FTO: variants seen among roughly 807,000 people sequenced by gnomAD.
The protein encoded by FTO is alpha-ketoglutarate-dependent dioxygenase FTO.
Under a neutral mutation model 63.9 loss-of-function variants are expected in FTO, and 47 were observed. That is an observed-to-expected ratio of 0.74 (90% CI 0.58 to 0.94). The LOEUF is 0.94. FTO is among the 40% of genes least tolerant of loss of function. The probability of loss-of-function intolerance (pLI) is 0.00; values close to 1 mark genes in which losing one functional copy is unlikely to be tolerated. For missense variants in FTO, 562 were observed against 618.1 expected, an observed-to-expected ratio of 0.91 and a Z score of 0.96; for synonymous variants, 207 against 224.4, an observed-to-expected ratio of 0.92 and a Z score of 0.69.
chr16:53,903,591 G>GT (rs942377561), intron 7 of FTO, among the ~76,000 whole-genome samples: 1 of 152,086 alleles, frequency 6.6e-6, no homozygotes, highest in Non-Finnish European at 1.5e-5. Context: ...ACGTTTATGT[G>GT]TTTTTTCCCC....
intron 1 of FTO, among the ~76,000 whole-genome samples, chr16:53,750,796 C>T (rs2076770868): frequency 6.6e-6 from 1 of 152,152 alleles, no homozygotes. Context: ...TTCAGTCTAG[C>T]ATGGTACATG....
chr16:53,767,860 A>C (rs1472788552), intron 1 of FTO, among the ~76,000 whole-genome samples: 1 of 152,190 alleles, frequency 6.6e-6, no homozygotes, highest in African/African-American at 2.4e-5. Context: ...GTTTCATATA[A>C]AACATTTTGA....
intron 8 of FTO, among the ~76,000 whole-genome samples, chr16:54,023,116 T>A (rs1003914470): frequency 2.0e-5 from 3 of 152,242 alleles, no homozygotes; most frequent in African/African-American, 2.4e-5. Context: ...TCTGAATGGA[T>A]ATGGAATAAT....
chr16:53,955,256 T>C (rs1811030810), intron 8 of FTO, among the ~76,000 whole-genome samples: 1 of 152,178 alleles, frequency 6.6e-6, no homozygotes, highest in Admixed American at 6.5e-5. Context: ...TCCCTGGAAC[T>C]GGGTATACAA....
rs148775832 is a variant in FTO, at chr16:53,790,060, T to C, written c.46-20080T>C. On this transcript the variant is annotated intron_variant, in intron 1 of 8. Coordinates refer to ENST00000471389, the MANE Select transcript of FTO (RefSeq NM_001080432.3). The stretch of plus-strand genomic sequence containing the variant: ...TGTATTTTGTATATATGTATACATA[T>C]ACATTTTGTAATATATACGTATATA... Among the ~76,000 whole-genome samples, 117 of 149,938 alleles carry C rather than the reference T, an allele frequency of 7.8e-4. No individual in the cohort carries two copies. In the East Asian group the frequency reaches 0.019, roughly 24 times the overall value.
intron 8 of FTO, among the ~76,000 whole-genome samples, chr16:53,936,050 T>C (rs1295010284): frequency 6.6e-6 from 1 of 152,222 alleles, no homozygotes; most frequent in Non-Finnish European, 1.5e-5. Context: ...TTAACAATAA[T>C]TTTTTAATAC....
chr16:53,733,264 T>C (rs559549131), intron 1 of FTO, among the ~76,000 whole-genome samples: 1 of 152,102 alleles, frequency 6.6e-6, no homozygotes, highest in Admixed American at 6.5e-5. Flanking sequence ...TAGCCAGGTG[T>C]GGTGGTGGGT....
intron 7 of FTO, among the ~76,000 whole-genome samples, chr16:53,924,340 C>T (rs1001331297): frequency 6.6e-6 from 1 of 152,202 alleles, no homozygotes; most frequent in African/African-American, 2.4e-5. Flanking sequence ...TGATTACTCT[C>T]AGCTAGCCCC....
At chr16:54,025,003 C>T (rs2084682688) in intron 8 of FTO, among the ~76,000 whole-genome samples, 1 of 152,206 alleles carries the variant, frequency 6.6e-6, no homozygotes, top group South Asian at 2.1e-4. Flanking sequence ...AAGAAATGTT[C>T]AGTCTGTAAG....
intron 4 of FTO, among the ~76,000 whole-genome samples, chr16:53,851,101 C>T (rs990840995): frequency 6.6e-5 from 10 of 151,922 alleles, no homozygotes; most frequent in African/African-American, 1.5e-4. Flanking sequence ...CTTCCACTGA[C>T]GCATGCTATC....
intron 7 of FTO, among the ~76,000 whole-genome samples, chr16:53,896,338 C>G (rs905947061): frequency 6.7e-6 from 1 of 148,624 alleles, no homozygotes; most frequent in African/African-American, 2.5e-5. Flanking sequence ...TTGTGGGGAG[C>G]ATGGTAGAGG....
chr16:53,849,325 G>A (rs1434486017), intron 4 of FTO, among the ~76,000 whole-genome samples: 2 of 152,216 alleles, frequency 1.3e-5, no homozygotes, highest in Admixed American at 1.3e-4. Flanking sequence ...TGTAAGTGCA[G>A]ACTTGTGAAG....
At chr16:53,897,863 T>A (rs975527722) in intron 7 of FTO, among the ~76,000 whole-genome samples, 5 of 152,162 alleles carry the variant, frequency 3.3e-5, no homozygotes, top group African/African-American at 1.2e-4. Context: ...ACTGTCCAGT[T>A]GCCCAGACTA....
intron 4 of FTO, among the ~76,000 whole-genome samples, chr16:53,859,779 A>G (rs1252855994): frequency 6.6e-6 from 1 of 152,178 alleles, no homozygotes; most frequent in African/African-American, 2.4e-5. Flanking sequence ...ACAATAGACA[A>G]TAGATAACAA....
intron 8 of FTO, among the ~76,000 whole-genome samples, chr16:53,975,419 A>C (rs2083414388): frequency 6.6e-6 from 1 of 152,060 alleles, no homozygotes. Context: ...TTGCTATTAC[A>C]CAGAATTTAG....
Position 53,801,843 on chromosome 16 carries a change from T to C in FTO, c.46-8297T>C, listed in dbSNP as rs189036965. 5.3e-3 allele frequency among the ~76,000 whole-genome samples: 812 copies of C among 152,072 alleles called. 3 individuals carry two copies. The highest frequency in any genetic ancestry group is 0.01 in the Middle Eastern group (3 of 294). ...GGTGTGAACTCGGCTCACTGCAACC[T>C]CCACCTCCCAGGTTCAAGTGATTAT... On this transcript the variant is annotated intron_variant, in intron 1 of 8. Transcript: ENST00000471389.
intron 4 of FTO, among the ~76,000 whole-genome samples, chr16:53,847,631 G>A (rs2079665876): frequency 6.6e-6 from 1 of 151,920 alleles, no homozygotes; most frequent in African/African-American, 2.4e-5. Flanking sequence ...AGCCGGGTGT[G>A]GTGGTGGATG....
At chr16:53,848,133 T>C (rs1337827248) in intron 4 of FTO, among the ~76,000 whole-genome samples, 1 of 152,220 alleles carries the variant, frequency 6.6e-6, no homozygotes, top group African/African-American at 2.4e-5. Context: ...ATCTCTTTTT[T>C]TTAAAAAGTC....
intron 8 of FTO, among the ~76,000 whole-genome samples, chr16:54,080,341 T>G (rs1371023638): frequency 6.6e-6 from 1 of 152,194 alleles, no homozygotes; most frequent in Non-Finnish European, 1.5e-5. Context: ...CTAATAATAA[T>G]AGTTGTCATT....
Sources: allele counts gnomAD v4.1 joint callset (sites outside exome capture counted in the v4.1 genomes callset), GRCh38; gene constraint gnomAD v4.1.1; transcripts MANE v1.5; gene names NCBI Gene and HGNC (gene_info 2026-07-23, HGNC 2026-07-21).